Variants in SORCS1 observed in about 807,000 individuals in gnomAD.
The protein encoded by SORCS1 is VPS10 domain-containing receptor SorCS1.
In SORCS1, 60 loss-of-function variants were observed where a neutral mutation model predicts 146.1. The ratio of observed to expected loss-of-function variants is 0.41; its 90% confidence interval spans 0.33 to 0.51. SORCS1 has a LOEUF of 0.51. SORCS1 is among the 20% of genes least tolerant of loss of function. The pLI, the probability that SORCS1 is intolerant of heterozygous loss-of-function variation, is 0.21. For synonymous variants in SORCS1, 637 were observed against 584.0 expected, an observed-to-expected ratio of 1.09 and a Z score of -1.31; for missense variants, 1,352 against 1,487.6, an observed-to-expected ratio of 0.91 and a Z score of 1.50.
At chr10:106,694,173 T>G (rs1853516128) in intron 9 of SORCS1, among the ~76,000 whole-genome samples, 1 of 152,188 alleles carries the variant, frequency 6.6e-6, no homozygotes, top group African/African-American at 2.4e-5. Flanking sequence ...TGTTCTTTCC[T>G]TCTCTGTTGC....
chr10:106,778,189 A>G (rs1860607913), intron 3 of SORCS1, among the ~76,000 whole-genome samples: 1 of 152,122 alleles, frequency 6.6e-6, no homozygotes, highest in African/African-American at 2.4e-5. Context: ...TGTTTATGCT[A>G]TCCAGGACGA....
chr10:107,115,255 T>C (rs1256546794), intron 1 of SORCS1, among the ~76,000 whole-genome samples: 1 of 148,976 alleles, frequency 6.7e-6, no homozygotes, highest in Non-Finnish European at 1.5e-5. Flanking sequence ...AAAAAAAAAA[T>C]CCTAAAGTTC....
Position 106,909,742 on chromosome 10 carries a change from A to C in SORCS1, c.626+46771T>G, listed in dbSNP as rs191701511. 5.3e-5 allele frequency among the ~76,000 whole-genome samples: 8 copies of C among 152,252 alleles called. No homozygotes were observed. In the East Asian group the frequency reaches 1.5e-3, roughly 29 times the overall value. On this transcript the variant is annotated intron_variant, in intron 2 of 25. Coordinates refer to ENST00000263054, the MANE Select transcript of SORCS1 (RefSeq NM_052918.5). ...CCAACCTGGTTTCTCCATCTCTTTT[A>C]CAAATCACCTCCAGTGGACCTCCAC...
chr10:106,611,311 G>GT (rs1302298695), intron 22 of SORCS1, among the ~76,000 whole-genome samples: 1 of 152,154 alleles, frequency 6.6e-6, no homozygotes, highest in African/African-American at 2.4e-5. Context: ...GTTTAGGCAA[G>GT]TTACTTAACC....
chr10:107,050,525 C>T (rs1345131479), intron 1 of SORCS1, among the ~76,000 whole-genome samples: 1 of 152,132 alleles, frequency 6.6e-6, no homozygotes, highest in East Asian at 1.9e-4. Flanking sequence ...TCTATTTAGG[C>T]TTTATTTCCA....
rs1420570372 is a variant in SORCS1, at chr10:106,864,874, T to C, written c.627-35201A>G. Among the ~76,000 whole-genome samples, 5 of 152,228 alleles carry C rather than the reference T, an allele frequency of 3.3e-5. No homozygotes were observed. The East Asian group carries it at 9.7e-4, about 29-fold the overall frequency. ...CTGCTCTATGAAAACGTGACTAGAC[T>C]GCTTTTTAAAGAAGGTCCCTGATCC... On this transcript the variant is annotated intron_variant, in intron 2 of 25. Coordinates refer to ENST00000263054, the MANE Select transcript of SORCS1 (RefSeq NM_052918.5).
In SORCS1 at chr10:107,039,832, C is replaced by T. The variant is rs1271957915; in HGVS notation, c.559-83252G>A. On this transcript the variant is annotated intron_variant, in intron 1 of 25. Coordinates refer to ENST00000263054, the MANE Select transcript of SORCS1 (RefSeq NM_052918.5). Reference sequence around the variant, plus strand: ...GGCTACTTACTAACAACTAAGGCCCCGGAACAGTGGTTCACGTCTATAACC... The same window carrying T: ...GGCTACTTACTAACAACTAAGGCCCTGGAACAGTGGTTCACGTCTATAACC... 3.3e-5 allele frequency among the ~76,000 whole-genome samples: 5 copies of T among 152,138 alleles called. 1 individual carries two copies. Among genetic ancestry groups the T allele is most frequent in the Admixed American group, 6.6e-5 (1 of 15,266 alleles).
chr10:107,053,470 G>C (rs1960319252), intron 1 of SORCS1, among the ~76,000 whole-genome samples: 2 of 152,074 alleles, frequency 1.3e-5, no homozygotes, highest in East Asian at 3.8e-4. Context: ...ACTGCAGAGT[G>C]AGCAAACACA....
At chr10:106,841,604 T>C (rs1287588036) in intron 2 of SORCS1, among the ~76,000 whole-genome samples, 2 of 152,246 alleles carry the variant, frequency 1.3e-5, no homozygotes, top group African/African-American at 4.8e-5. Flanking sequence ...ACTTGCTTTA[T>C]TGTGATATTT....
At chr10:107,142,503 A>C (rs569984128) in intron 1 of SORCS1, among the ~76,000 whole-genome samples, 1 of 152,298 alleles carries the variant, frequency 6.6e-6, no homozygotes, top group Admixed American at 6.5e-5. Context: ...CTATTCCTTA[A>C]AGCTACTTAG....
At chr10:106,792,398 T>G (rs1468602047) in intron 3 of SORCS1, among the ~76,000 whole-genome samples, 1 of 152,256 alleles carries the variant, frequency 6.6e-6, no homozygotes, top group Non-Finnish European at 1.5e-5. Flanking sequence ...TTTGTTAAAC[T>G]GCTATTTCAA....
intron 1 of SORCS1, among the ~76,000 whole-genome samples, chr10:106,993,816 G>A (rs977996784): frequency 6.6e-6 from 1 of 152,086 alleles, no homozygotes; most frequent in African/African-American, 2.4e-5. Flanking sequence ...GTTCATGCCT[G>A]TAATCCCTAC....
intron 2 of SORCS1, among the ~76,000 whole-genome samples, chr10:106,912,545 T>A (rs1952218318): frequency 1.3e-5 from 2 of 152,158 alleles, no homozygotes; most frequent in South Asian, 4.1e-4. Flanking sequence ...TCTAAGTGAT[T>A]GCATTAAGGA....
At chr10:106,755,478 A>T (rs974826309) in intron 5 of SORCS1, among the ~76,000 whole-genome samples, 1 of 152,184 alleles carries the variant, frequency 6.6e-6, no homozygotes, top group Non-Finnish European at 1.5e-5. Flanking sequence ...TTACTCAACA[A>T]ATATAAATCC....
chr10:107,074,458 T>C (rs981774810), intron 1 of SORCS1, among the ~76,000 whole-genome samples: 2 of 152,206 alleles, frequency 1.3e-5, no homozygotes, highest in African/African-American at 4.8e-5. Context: ...AGAAAGCATT[T>C]TTGTTGCTTC....
chr10:107,162,865 C>A (rs1053334491), intron 1 of SORCS1, among the ~76,000 whole-genome samples: 1 of 152,194 alleles, frequency 6.6e-6, no homozygotes, highest in African/African-American at 2.4e-5. Context: ...TCTCAATTAC[C>A]TGGTTGAAGC....
At chr10:106,900,346 G>T (rs1480668057) in intron 2 of SORCS1, among the ~76,000 whole-genome samples, 1 of 151,942 alleles carries the variant, frequency 6.6e-6, no homozygotes, top group Non-Finnish European at 1.5e-5. Flanking sequence ...TATTGCTTTT[G>T]ATTATACAGT....
chr10:107,025,517 A>G (rs1958361340), intron 1 of SORCS1, among the ~76,000 whole-genome samples: 1 of 152,194 alleles, frequency 6.6e-6, no homozygotes, highest in South Asian at 2.1e-4. Flanking sequence ...CTGTGGTGCT[A>G]TTGTTTCATG....
chr10:107,086,567 G>A (rs1488552932), intron 1 of SORCS1, among the ~76,000 whole-genome samples: 1 of 152,174 alleles, frequency 6.6e-6, no homozygotes, highest in Non-Finnish European at 1.5e-5. Context: ...ATTTATAGCT[G>A]TGGACTTTAG....
Sources: gnomAD v4.1 joint callset for allele counts (sites outside exome capture counted in the v4.1 genomes callset) on GRCh38, gnomAD v4.1.1 for gene constraint, MANE v1.5 for transcripts, NCBI Gene and HGNC (gene_info 2026-07-23, HGNC 2026-07-21) for gene names.